HDAC9: variants seen among roughly 807,000 people sequenced by gnomAD.
HDAC9 encodes histone deacetylase 9.
In HDAC9, 41 loss-of-function variants were observed where a neutral mutation model predicts 139.4. That is an observed-to-expected ratio of 0.29 (90% CI 0.23 to 0.38). The LOEUF (loss-of-function observed/expected upper bound fraction) is 0.38. Among genes scored for constraint, HDAC9 ranks in the 10% least tolerant of loss-of-function variants. The pLI, the probability that HDAC9 is intolerant of heterozygous loss-of-function variation, is 1.00. For synonymous variants in HDAC9, 517 were observed against 476.2 expected (o/e 1.09, Z -1.12); for missense variants, 1,147 against 1,297.0 (o/e 0.88, Z 1.78).
intron 23 of HDAC9, among the ~76,000 whole-genome samples, chr7:18,939,743 G>T (rs11767043): frequency 6.6e-6 from 1 of 152,002 alleles, no homozygotes; most frequent in Non-Finnish European, 1.5e-5. Flanking sequence ...TTCAGATTGC[G>T]ATTTCAAATC....
intron 2 of HDAC9, among the ~76,000 whole-genome samples, chr7:18,500,307 C>G (rs1389407387): frequency 1.3e-5 from 2 of 152,124 alleles, no homozygotes; most frequent in Non-Finnish European, 2.9e-5. Flanking sequence ...CTCATAATTT[C>G]TCACTACTGA....
chr7:18,947,979 G>T (rs1484900757), intron 23 of HDAC9, among the ~76,000 whole-genome samples: 1 of 151,776 alleles, frequency 6.6e-6, no homozygotes, highest in East Asian at 1.9e-4. Flanking sequence ...CAATGAGGAA[G>T]AAATATATTT....
intron 1 of HDAC9, among the ~76,000 whole-genome samples, chr7:18,462,460 C>G (rs559921004): frequency 6.6e-6 from 1 of 151,994 alleles, no homozygotes; most frequent in Non-Finnish European, 1.5e-5. Flanking sequence ...TAGTTCTTAA[C>G]CCCCAGATGA....
intron 1 of HDAC9, among the ~76,000 whole-genome samples, chr7:18,295,484 G>A (rs147643894): frequency 5.6e-4 from 85 of 152,150 alleles, no homozygotes; most frequent in African/African-American, 2.0e-3. Context: ...TTGACTAATT[G>A]AATAAATATA....
chr7:18,923,404 T>A (rs907063173), intron 22 of HDAC9, among the ~76,000 whole-genome samples: 7 of 152,082 alleles, frequency 4.6e-5, no homozygotes, highest in African/African-American at 1.7e-4. Context: ...TGTTGAAAGA[T>A]GTCCATGACC....
intron 2 of HDAC9, among the ~76,000 whole-genome samples, chr7:18,497,453 G>A (rs1202573388): frequency 4.6e-5 from 7 of 152,030 alleles, no homozygotes; most frequent in African/African-American, 1.7e-4. Flanking sequence ...TTTAAACCTT[G>A]GTTAGTTATG....
intron 1 of HDAC9, among the ~76,000 whole-genome samples, chr7:18,161,195 T>A (rs1249175900): frequency 2.0e-5 from 3 of 152,214 alleles, no homozygotes. Context: ...CTTAGCTGTT[T>A]GAATAACTAA....
intron 2 of HDAC9, among the ~76,000 whole-genome samples, chr7:18,238,420 A>G (rs1288095813): frequency 6.6e-6 from 1 of 152,222 alleles, no homozygotes; most frequent in African/African-American, 2.4e-5. Flanking sequence ...CCACAGTGCC[A>G]TAATTGCTGG....
chr7:18,361,830 C>A (rs1473264116), intron 1 of HDAC9, among the ~76,000 whole-genome samples: 4 of 151,528 alleles, frequency 2.6e-5, no homozygotes, highest in Admixed American at 1.3e-4. Context: ...AAAAAAAAAA[C>A]ATTCTGGCAT....
intron 1 of HDAC9, among the ~76,000 whole-genome samples, chr7:18,344,262 A>T (rs1254614653): frequency 6.6e-6 from 1 of 151,868 alleles, no homozygotes; most frequent in Non-Finnish European, 1.5e-5. Flanking sequence ...AAGATATCAG[A>T]GGTATTATTT....
chr7:18,402,941 G>A (rs796703211), intron 1 of HDAC9, among the ~76,000 whole-genome samples: 4 of 152,274 alleles, frequency 2.6e-5, no homozygotes, highest in African/African-American at 9.6e-5. Flanking sequence ...TAAAACGCTG[G>A]CTGTGGCTTA....
At chr7:18,365,566 A>G (rs1232034649) in intron 1 of HDAC9, among the ~76,000 whole-genome samples, 3 of 152,118 alleles carry the variant, frequency 2.0e-5, no homozygotes, top group African/African-American at 7.2e-5. Context: ...CTAGGAATAG[A>G]AAATACAGAC....
intron 23 of HDAC9, among the ~76,000 whole-genome samples, chr7:18,940,339 C>T (rs1381981427): frequency 6.6e-6 from 1 of 152,096 alleles, no homozygotes; most frequent in Non-Finnish European, 1.5e-5. Context: ...CAAGGTCAGT[C>T]AAAATAGTAT....
At chr7:18,507,599 A>G (rs1241212591) in intron 2 of HDAC9, among the ~76,000 whole-genome samples, 6 of 151,768 alleles carry the variant, frequency 4.0e-5, no homozygotes, top group Admixed American at 1.3e-4. Flanking sequence ...GGTTCAAGCT[A>G]TTCTGCCTCA....
intron 1 of HDAC9, among the ~76,000 whole-genome samples, chr7:18,385,134 A>T (rs1055301669): frequency 6.6e-6 from 1 of 152,196 alleles, no homozygotes. Flanking sequence ...TTATTTCCTT[A>T]TTATAGACAT....
chr7:18,650,087 A>G (rs1752067238), intron 11 of HDAC9, among the ~76,000 whole-genome samples: 1 of 152,214 alleles, frequency 6.6e-6, no homozygotes, highest in Admixed American at 6.5e-5. Flanking sequence ...GACTAATGGC[A>G]TAATACTCAC....
At chr7:18,919,483 T>G (rs1803499332) in intron 22 of HDAC9, among the ~76,000 whole-genome samples, 1 of 152,050 alleles carries the variant, frequency 6.6e-6, no homozygotes, top group African/African-American at 2.4e-5. Context: ...CACTTTTCTA[T>G]GAGTTTTGCA....
chr7:18,410,030 G>T (rs1269382569), intron 1 of HDAC9, among the ~76,000 whole-genome samples: 2 of 151,184 alleles, frequency 1.3e-5, no homozygotes, highest in Non-Finnish European at 2.9e-5. Context: ...TTTTTTTTTG[G>T]AGAATTTCTG....
intron 1 of HDAC9, among the ~76,000 whole-genome samples, chr7:18,462,968 T>C (rs1793975114): frequency 6.6e-6 from 1 of 152,036 alleles, no homozygotes; most frequent in Non-Finnish European, 1.5e-5. Context: ...TGCCAATGTA[T>C]AGTCCTACTG....
Sources: gnomAD v4.1 joint callset for allele counts (sites outside exome capture counted in the v4.1 genomes callset) on GRCh38, gnomAD v4.1.1 for gene constraint, MANE v1.5 for transcripts, NCBI Gene and HGNC (gene_info 2026-07-23, HGNC 2026-07-21) for gene names.